The following FHIT variants were observed in gnomAD, a reference collection of about 807,000 sequenced individuals.
FHIT encodes the protein bis(5'-adenosyl)-triphosphatase.
FHIT carries 19 observed loss-of-function variants against 17.9 expected under a neutral mutation model. That is an observed-to-expected ratio of 1.06 (90% CI 0.74 to 1.56). The LOEUF (loss-of-function observed/expected upper bound fraction) is 1.56, where lower values mean the gene tolerates loss of function less well. FHIT is among the 40% of genes most tolerant of loss of function. The probability of loss-of-function intolerance (pLI) is 0.00; values close to 1 mark genes in which losing one functional copy is unlikely to be tolerated. For missense variants in FHIT, 248 were observed against 189.2 expected (o/e 1.31, Z -1.82); for synonymous variants, 81 against 69.7 (o/e 1.16, Z -0.81).
At chr3:60,653,466 G>T (rs1290496028) in intron 4 of FHIT, among the ~76,000 whole-genome samples, 1 of 151,494 alleles carries the variant, frequency 6.6e-6, no homozygotes, top group Admixed American at 6.6e-5. Flanking sequence ...CAATTCAGGA[G>T]GTCTAAGGAT....
At chr3:61,001,332 T>G (rs2031070629) in intron 3 of FHIT, among the ~76,000 whole-genome samples, 1 of 152,192 alleles carries the variant, frequency 6.6e-6, no homozygotes, top group East Asian at 1.9e-4. Flanking sequence ...AAACGAAAAC[T>G]CATATTCACA....
At chr3:60,712,185 T>C (rs1438477774) in intron 4 of FHIT, among the ~76,000 whole-genome samples, 4 of 152,204 alleles carry the variant, frequency 2.6e-5, no homozygotes, top group South Asian at 4.2e-4. Flanking sequence ...CTAAGCTTCA[T>C]AAGTGAAGGA....
chr3:59,814,067 C>CACACAA (rs1700508358), intron 8 of FHIT, among the ~76,000 whole-genome samples: 1 of 151,986 alleles, frequency 6.6e-6, no homozygotes, highest in African/African-American at 2.4e-5. Context: ...CACACACACA[C>CACACAA]ACACACACCC....
At chr3:60,630,018 G>T (rs1553682010) in intron 4 of FHIT, among the ~76,000 whole-genome samples, 1 of 152,160 alleles carries the variant, frequency 6.6e-6, no homozygotes, top group African/African-American at 2.4e-5. Context: ...CTGCCCTGGG[G>T]ATCAAAGCGT....
At chr3:60,995,782 C>T (rs1655188911) in intron 3 of FHIT, among the ~76,000 whole-genome samples, 1 of 152,114 alleles carries the variant, frequency 6.6e-6, no homozygotes, top group South Asian at 2.1e-4. Context: ...TAAATGTATA[C>T]AATCTGTAAG....
chr3:60,045,830 G>A (rs1392223702), intron 5 of FHIT, among the ~76,000 whole-genome samples: 1 of 152,180 alleles, frequency 6.6e-6, no homozygotes, highest in African/African-American at 2.4e-5. Context: ...AATGGATAAG[G>A]AGGAACACCT....
At chr3:60,187,095 G>C (rs1224378254) in intron 5 of FHIT, among the ~76,000 whole-genome samples, 3 of 152,150 alleles carry the variant, frequency 2.0e-5, no homozygotes, top group Non-Finnish European at 4.4e-5. Flanking sequence ...TTCTTTCAGA[G>C]GGTCCTGTGG....
At chr3:59,876,101 T>C (rs1490550997) in intron 8 of FHIT, among the ~76,000 whole-genome samples, 1 of 152,060 alleles carries the variant, frequency 6.6e-6, no homozygotes, top group African/African-American at 2.4e-5. Flanking sequence ...GTAGATGTAA[T>C]TATAGTTTCA....
chr3:61,068,501 G>A (rs2034691794), intron 2 of FHIT, among the ~76,000 whole-genome samples: 1 of 152,150 alleles, frequency 6.6e-6, no homozygotes, highest in African/African-American at 2.4e-5. Flanking sequence ...AAGGTTCTCT[G>A]ATTTTTAGAG....
chr3:60,706,242 G>A (rs1251576159), intron 4 of FHIT, among the ~76,000 whole-genome samples: 1 of 151,308 alleles, frequency 6.6e-6, no homozygotes, highest in Non-Finnish European at 1.5e-5. Flanking sequence ...GGGGCCTGTT[G>A]GGGGTTTGGG....
chr3:60,569,829 G>A (rs1312706994), intron 4 of FHIT, among the ~76,000 whole-genome samples: 1 of 143,070 alleles, frequency 7.0e-6, no homozygotes, highest in Non-Finnish European at 1.5e-5. Context: ...TCGGCTCACT[G>A]CAACCTTCGC....
At chr3:61,031,794 G>A (rs1245696351) in intron 3 of FHIT, among the ~76,000 whole-genome samples, 1 of 152,124 alleles carries the variant, frequency 6.6e-6, no homozygotes, top group Non-Finnish European at 1.5e-5. Flanking sequence ...ATACTGAACA[G>A]GCAACCCTAA....
At chr3:60,843,576 A>T (rs1193268072) in intron 3 of FHIT, among the ~76,000 whole-genome samples, 1 of 152,162 alleles carries the variant, frequency 6.6e-6, no homozygotes. Context: ...ACTTTTGAGC[A>T]TTTGCTCCCA....
intron 5 of FHIT, among the ~76,000 whole-genome samples, chr3:60,189,718 G>T (rs569209978): frequency 6.6e-6 from 1 of 152,144 alleles, no homozygotes; most frequent in African/African-American, 2.4e-5. Flanking sequence ...GACATGAATC[G>T]TTTTTCAGCT....
chr3:60,374,939 A>T (rs1001752267), intron 5 of FHIT, among the ~76,000 whole-genome samples: 2 of 152,138 alleles, frequency 1.3e-5, no homozygotes, highest in African/African-American at 4.8e-5. Flanking sequence ...AAACAGGCCA[A>T]GTTAATGCAC....
intron 7 of FHIT, among the ~76,000 whole-genome samples, chr3:60,006,187 C>T (rs1173333115): frequency 6.6e-6 from 1 of 152,104 alleles, no homozygotes; most frequent in Non-Finnish European, 1.5e-5. Context: ...ACAGAGAGGG[C>T]CAGTATTATT....
At position 60,307,651 on chromosome 3, in the gene FHIT, C is replaced by A. The variant is rs557204466; in HGVS notation, c.103+229209G>T. Among the ~76,000 whole-genome samples the A allele has an allele frequency of 3.9e-5, 6 of 152,224 alleles. No homozygotes were observed. In the South Asian group the frequency reaches 1.2e-3, roughly 32 times the overall value. On this transcript the variant is annotated intron_variant, in intron 5 of 9. Coordinates refer to ENST00000492590, the MANE Select transcript of FHIT (RefSeq NM_002012.4). ...GGCAAATATTTTATGAGCTACATTG[C>A]ATTGTTGTTTTGTTCCCAGGAAAAG...
intron 8 of FHIT, among the ~76,000 whole-genome samples, chr3:59,889,715 A>T (rs1343504586): frequency 1.3e-5 from 2 of 152,236 alleles, no homozygotes; most frequent in East Asian, 3.8e-4. Flanking sequence ...CGTAAGGTCA[A>T]AGAATTTTTA....
chr3:60,983,534 TG>T (rs1309077025), intron 3 of FHIT, among the ~76,000 whole-genome samples: 3 of 152,114 alleles, frequency 2.0e-5, no homozygotes, highest in Non-Finnish European at 4.4e-5. Context: ...ATGGGAGCCC[TG>T]GGGGAGATGA....
Sources: gnomAD v4.1 joint callset for allele counts (sites outside exome capture counted in the v4.1 genomes callset) on GRCh38, gnomAD v4.1.1 for gene constraint, MANE v1.5 for transcripts, NCBI Gene and HGNC (gene_info 2026-07-23, HGNC 2026-07-21) for gene names.